The following ANKRD30B variants were observed in gnomAD, a reference collection of about 807,000 sequenced individuals.
The protein encoded by ANKRD30B is ankyrin repeat domain 30B, also known as ankyrin repeat domain-containing protein 30B.
In ANKRD30B, 144 loss-of-function variants were observed where a neutral mutation model predicts 202.2. The observed-to-expected ratio is 0.71, with a 90% CI of 0.62 to 0.82. ANKRD30B has a LOEUF of 0.82. Ranked by LOEUF, ANKRD30B falls within the 40% of genes least tolerant of loss-of-function variation. The pLI, the probability that ANKRD30B is intolerant of heterozygous loss-of-function variation, is 0.00. For synonymous variants in ANKRD30B, 508 were observed against 561.3 expected (o/e 0.91, Z 1.34); for missense variants, 1,487 against 1,669.1 (o/e 0.89, Z 1.90).
downstream of ANKRD30B, among the ~76,000 whole-genome samples, chr18:14,855,987 G>A (rs1400986635): frequency 1.3e-4 from 18 of 136,760 alleles, 1 homozygote; most frequent in Non-Finnish European, 2.1e-4. Flanking sequence ...GGGCAAAGGC[G>A]CTCCTCACCT....
At chr18:14,916,311 T>G in the ANKRD30B span, among the ~76,000 whole-genome samples, 15 of 152,084 alleles carry the variant, frequency 9.9e-5, no homozygotes, top group Non-Finnish European at 1.9e-4. Flanking sequence ...GTAGTTCTCC[T>G]GTGAATGGCC....
chr18:14,940,991 G>A, the ANKRD30B span, among the ~76,000 whole-genome samples: 99 of 152,178 alleles, frequency 6.5e-4, no homozygotes, highest in African/African-American at 2.3e-3. Flanking sequence ...TGAGCTTAGG[G>A]TCACCAGGCT....
At chr18:14,798,558 G>A (rs1432150896) in intron 20 of ANKRD30B, among the ~76,000 whole-genome samples, 3 of 152,032 alleles carry the variant, frequency 2.0e-5, no homozygotes, top group African/African-American at 7.3e-5. Flanking sequence ...TTCTCAGAAG[G>A]GAGTATGCCT....
the ANKRD30B span, among the ~76,000 whole-genome samples, chr18:14,922,204 G>A: frequency 2.6e-5 from 4 of 152,100 alleles, no homozygotes; most frequent in African/African-American, 9.7e-5. Flanking sequence ...TGTCACAGTG[G>A]AGAGCAACAC....
At chr18:14,895,298 T>G in the ANKRD30B span, among the ~76,000 whole-genome samples, 3 of 151,874 alleles carry the variant, frequency 2.0e-5, no homozygotes, top group African/African-American at 7.3e-5. Context: ...TGAAATTATT[T>G]AAAAAGGAAT....
chr18:14,905,038 C>T, the ANKRD30B span, among the ~76,000 whole-genome samples: 5 of 152,142 alleles, frequency 3.3e-5, no homozygotes, highest in African/African-American at 4.8e-5. Context: ...AAGATGGCAA[C>T]GAGAGTGATT....
chr18:14,830,946 G>A (rs1970893043), intron 33 of ANKRD30B, among the ~76,000 whole-genome samples: 1 of 152,152 alleles, frequency 6.6e-6, no homozygotes, highest in Non-Finnish European at 1.5e-5. Context: ...ACTTTGGGAG[G>A]CCGAGGCGGG....
intron 4 of ANKRD30B, among the ~76,000 whole-genome samples, chr18:14,756,800 G>A (rs1339302703): frequency 2.6e-5 from 4 of 152,116 alleles, no homozygotes; most frequent in East Asian, 3.9e-4. Flanking sequence ...ACTGAGGCAC[G>A]AGAATCGCTT....
At position 14,796,378 on chromosome 18, in the gene ANKRD30B, A is replaced by G. The variant is rs1968893824; in HGVS notation, c.1890A>G (p.Lys630=). 1 of 1,565,686 alleles carries G rather than the reference A, an allele frequency of 6.4e-7. No individual in the cohort carries two copies. Among genetic ancestry groups the G allele is most frequent in the Middle Eastern group, 2.0e-4 (1 of 5,024 alleles). ...TCGRKVSLPN[K]ALELKDRETF... is the part of the protein sequence containing the mutation. The stretch of plus-strand genomic sequence containing the variant: ...GAAGGAAAGTTTCTCTTCCAAATAA[A>G]GCCTTAGAATTAAAGGACAGAGAAA... Residue 630 remains lysine (K), a synonymous_variant, in exon 18 of 44, where the codon AAA becomes AAG. Transcript: ENST00000690538.
At chr18:14,822,339 A>C (rs1365160621) in intron 30 of ANKRD30B, 144 bp from the exon 31 acceptor site, 1 of 580,866 alleles carries the variant, frequency 1.7e-6, no homozygotes, top group African/African-American at 1.9e-5. Flanking sequence ...TAACAAACAC[A>C]ATAACCCAAA....
rs941128279 is a variant in ANKRD30B, at chr18:14,792,786, T to C, written c.1825+1295T>C. Reference sequence around the variant, plus strand: ...GTTGATATTCACAGTTTGAATAAGATATACTAGAATGTAAGAACCTTGGCT... The same window carrying C: ...GTTGATATTCACAGTTTGAATAAGACATACTAGAATGTAAGAACCTTGGCT... On this transcript the variant is annotated intron_variant, in intron 16 of 43. Transcript: ENST00000690538. Among the ~76,000 whole-genome samples the C allele has an allele frequency of 5.9e-5, 9 of 152,034 alleles. No homozygotes were observed. The East Asian group carries it at 9.6e-4, about 16-fold the overall frequency.
At chr18:14,894,505 A>G in the ANKRD30B span, among the ~76,000 whole-genome samples, 1 of 152,010 alleles carries the variant, frequency 6.6e-6, no homozygotes, top group East Asian at 1.9e-4. Context: ...AGGGGTATAT[A>G]TTAATATGGC....
At chr18:14,755,599 T>C (rs1036604362) in intron 4 of ANKRD30B, among the ~76,000 whole-genome samples, 1 of 152,102 alleles carries the variant, frequency 6.6e-6, no homozygotes, top group African/African-American at 2.4e-5. Flanking sequence ...TTCCCCTTCC[T>C]GTGTCCATGT....
At chr18:14,929,822 A>G in the ANKRD30B span, among the ~76,000 whole-genome samples, 1 of 152,084 alleles carries the variant, frequency 6.6e-6, no homozygotes, top group African/African-American at 2.4e-5. Flanking sequence ...TGCATTTCAT[A>G]TAGTGCTAGG....
chr18:14,886,258 C>G, the ANKRD30B span, among the ~76,000 whole-genome samples: 1 of 151,980 alleles, frequency 6.6e-6, no homozygotes, highest in Non-Finnish European at 1.5e-5. Flanking sequence ...AGTTGTATAT[C>G]TACCCAGCTG....
chr18:14,903,385 T>G, the ANKRD30B span, among the ~76,000 whole-genome samples: 1 of 152,104 alleles, frequency 6.6e-6, no homozygotes, highest in African/African-American at 2.4e-5. Flanking sequence ...ATGTAGGTAA[T>G]TACAGGATGA....
chr18:14,787,265 T>C (rs1968150721), intron 15 of ANKRD30B, among the ~76,000 whole-genome samples, 165 bp downstream of exon 15: 2 of 152,348 alleles, frequency 1.3e-5, no homozygotes, highest in South Asian at 4.1e-4. Flanking sequence ...CTAAGTAGAT[T>C]ACCACTTCAT....
chr18:14,859,791 G>A, the ANKRD30B span, among the ~76,000 whole-genome samples: 1 of 33,286 alleles, frequency 3.0e-5, no homozygotes, highest in Non-Finnish European at 6.8e-5. Flanking sequence ...CCAGGCAGAG[G>A]CGCTCCTCAC....
chr18:14,783,542 C>T (rs181722519), intron 12 of ANKRD30B, among the ~76,000 whole-genome samples: 8 of 152,090 alleles, frequency 5.3e-5, no homozygotes, highest in Admixed American at 4.6e-4. Context: ...ACTAATGATA[C>T]ACCAAATCAG....
Sources: allele counts gnomAD v4.1 joint callset (sites outside exome capture counted in the v4.1 genomes callset), GRCh38; gene constraint gnomAD v4.1.1; transcripts MANE v1.5; gene names NCBI Gene and HGNC (gene_info 2026-07-23, HGNC 2026-07-21).